TCERG1L: variants seen among roughly 807,000 people sequenced by gnomAD.
TCERG1L encodes transcription elongation regulator 1 like, also known as transcription elongation regulator 1-like protein.
TCERG1L carries 37 observed loss-of-function variants against 56.3 expected under a neutral mutation model. That is an observed-to-expected ratio of 0.66 (90% confidence interval 0.51 to 0.87). The LOEUF (loss-of-function observed/expected upper bound fraction) is 0.87. Ranked by LOEUF, TCERG1L falls within the 40% of genes least tolerant of loss-of-function variation. The pLI, the probability that TCERG1L is intolerant of heterozygous loss-of-function variation, is 0.00. For synonymous variants in TCERG1L, 324 were observed against 326.3 expected, an observed-to-expected ratio of 0.99 and a Z score of 0.08; for missense variants, 799 against 774.2, an observed-to-expected ratio of 1.03 and a Z score of -0.38.
In TCERG1L at chr10:131,302,523, A is replaced by G. The variant is rs528914449; in HGVS notation, c.670+5688T>C. On this transcript the variant is annotated intron_variant, in intron 3 of 11. Coordinates refer to ENST00000368642, the MANE Select transcript of TCERG1L (RefSeq NM_174937.4). ...TGCCATACCTTGAAACGGCTCTGCG[A>G]GCCATCTTTGGTAGGAGAAAATTTG... Among the ~76,000 whole-genome samples the G allele has an allele frequency of 5.3e-4, 80 of 152,046 alleles. 1 individual carries two copies. The highest frequency in any genetic ancestry group is 3.4e-3 in the Middle Eastern group (1 of 294).
At chr10:131,115,096 T>C (rs1735510459) in intron 9 of TCERG1L, among the ~76,000 whole-genome samples, 1 of 152,210 alleles carries the variant, frequency 6.6e-6, no homozygotes. Flanking sequence ...AGGGCTCTCC[T>C]AGAAGGTGGC....
intron 4 of TCERG1L, among the ~76,000 whole-genome samples, chr10:131,224,320 G>A (rs1038652003): frequency 2.6e-5 from 4 of 152,022 alleles, no homozygotes; most frequent in East Asian, 3.9e-4. Context: ...GTGCCCTCCC[G>A]AGCCAGCCTG....
intron 4 of TCERG1L, among the ~76,000 whole-genome samples, chr10:131,192,581 G>A (rs1845316728): frequency 6.9e-6 from 1 of 144,436 alleles, no homozygotes; most frequent in Non-Finnish European, 1.5e-5. Context: ...GTTTATAACA[G>A]CACAATTCAC....
chr10:131,297,500 C>A (rs1049648206), intron 3 of TCERG1L, among the ~76,000 whole-genome samples: 3 of 152,092 alleles, frequency 2.0e-5, no homozygotes. Flanking sequence ...GCCTTCTTTG[C>A]ATGTATGTTC....
intron 3 of TCERG1L, among the ~76,000 whole-genome samples, chr10:131,306,275 G>T (rs1161858257): frequency 6.6e-6 from 1 of 152,012 alleles, no homozygotes; most frequent in Non-Finnish European, 1.5e-5. Context: ...TATCAAAAAA[G>T]TAAAGTTTTC....
intron 3 of TCERG1L, among the ~76,000 whole-genome samples, chr10:131,297,434 C>T (rs113755006): frequency 0.037 from 5,621 of 152,208 alleles, 131 homozygotes; most frequent in African/African-American, 0.054. Context: ...CTCTCTTGGT[C>T]AAATATATTA....
chr10:131,221,383 G>A (rs773380879), intron 4 of TCERG1L, among the ~76,000 whole-genome samples: 1 of 152,188 alleles, frequency 6.6e-6, no homozygotes, highest in South Asian at 2.1e-4. Context: ...CCAAAAAAGT[G>A]CCCAGTGGGA....
intron 4 of TCERG1L, among the ~76,000 whole-genome samples, chr10:131,174,473 C>A (rs1298791825): frequency 6.6e-6 from 1 of 152,106 alleles, no homozygotes; most frequent in Non-Finnish European, 1.5e-5. Flanking sequence ...CCAGAGGTCC[C>A]CTGGTCGGGG....
intron 4 of TCERG1L, among the ~76,000 whole-genome samples, chr10:131,217,708 CTTTTTTTTTTTTT>C (rs534101797): frequency 5.1e-5 from 4 of 79,046 alleles, no homozygotes; most frequent in Non-Finnish European, 2.3e-5. Flanking sequence ...AGTAGCTGCC[CTTTTTTTTTTTTT>C]TTTTTTTTTT....
chr10:131,279,096 G>A (rs890561400), intron 3 of TCERG1L, among the ~76,000 whole-genome samples: 2 of 152,170 alleles, frequency 1.3e-5, no homozygotes, highest in African/African-American at 2.4e-5. Flanking sequence ...TCACAGCTGC[G>A]TGTGCCCCTC....
At chr10:131,183,649 C>A (rs1035306120) in intron 4 of TCERG1L, among the ~76,000 whole-genome samples, 1 of 152,170 alleles carries the variant, frequency 6.6e-6, no homozygotes. Flanking sequence ...GTTTTATGCA[C>A]CCGCTCTCTC....
At chr10:131,181,888 G>A (rs1329950393) in intron 4 of TCERG1L, among the ~76,000 whole-genome samples, 1 of 152,234 alleles carries the variant, frequency 6.6e-6, no homozygotes, top group African/African-American at 2.4e-5. Context: ...AATACATTGG[G>A]AACAACCATT....
At chr10:131,193,936 G>A (rs1200223274) in intron 4 of TCERG1L, among the ~76,000 whole-genome samples, 1 of 152,190 alleles carries the variant, frequency 6.6e-6, no homozygotes. Flanking sequence ...AGCCCCCACA[G>A]GGGGATTATG....
intron 7 of TCERG1L, among the ~76,000 whole-genome samples, chr10:131,143,900 T>A (rs1461071630): frequency 6.6e-6 from 1 of 152,218 alleles, no homozygotes; most frequent in African/African-American, 2.4e-5. Flanking sequence ...AAGACTTTGC[T>A]GGAATCCTTC....
At chr10:131,270,559 T>C (rs192452837) in intron 3 of TCERG1L, among the ~76,000 whole-genome samples, 36 of 152,348 alleles carry the variant, frequency 2.4e-4, no homozygotes, top group African/African-American at 7.7e-4. Context: ...TGAGGGCAGG[T>C]TGAGGAGAGG....
At chr10:131,275,964 A>G (rs1429698303) in intron 3 of TCERG1L, among the ~76,000 whole-genome samples, 1 of 152,118 alleles carries the variant, frequency 6.6e-6, no homozygotes, top group Non-Finnish European at 1.5e-5. Flanking sequence ...CTCACTTTCT[A>G]TCAGAATCTG....
At chr10:131,167,528 C>T (rs1263777874) in intron 4 of TCERG1L, among the ~76,000 whole-genome samples, 1 of 152,226 alleles carries the variant, frequency 6.6e-6, no homozygotes. Flanking sequence ...ACGTGGGTCA[C>T]AGATGAATAG....
At chr10:131,279,507 C>G (rs758495216) in intron 3 of TCERG1L, among the ~76,000 whole-genome samples, 36 of 152,218 alleles carry the variant, frequency 2.4e-4, no homozygotes, top group Non-Finnish European at 5.0e-4. Context: ...AAAATCTAGC[C>G]TCATCAAGAG....
chr10:131,176,419 A>T (rs1846150717), intron 4 of TCERG1L, among the ~76,000 whole-genome samples: 1 of 76,352 alleles, frequency 1.3e-5, no homozygotes, highest in African/African-American at 5.0e-5. Flanking sequence ...CACATACACC[A>T]AGACACATGT....
Sources: gnomAD v4.1 joint callset for allele counts (sites outside exome capture counted in the v4.1 genomes callset) on GRCh38, gnomAD v4.1.1 for gene constraint, MANE v1.5 for transcripts, NCBI Gene and HGNC (gene_info 2026-07-23, HGNC 2026-07-21) for gene names.